Variants in SRL observed in about 807,000 individuals in gnomAD.
SRL encodes the protein sarcalumenin.
In SRL, 23 loss-of-function variants were observed where a neutral mutation model predicts 39.5. The observed-to-expected ratio is 0.58, with a 90% CI of 0.42 to 0.82. The LOEUF is 0.82. SRL is among the 40% of genes least tolerant of loss of function. SRL has a pLI of 0.00. For synonymous variants in SRL, 272 were observed against 237.4 expected (o/e 1.15, Z -1.34); for missense variants, 592 against 607.8 (o/e 0.97, Z 0.27).
At chr16:4,241,435 T>C (rs1402269532) in intron 1 of SRL, among the ~76,000 whole-genome samples, 1 of 152,182 alleles carries the variant, frequency 6.6e-6, no homozygotes, top group Non-Finnish European at 1.5e-5. Flanking sequence ...CCGTTCCTCT[T>C]CTGAATTGCA....
At chr16:4,240,297 T>C (rs530495654) in intron 1 of SRL, among the ~76,000 whole-genome samples, 2 of 152,188 alleles carry the variant, frequency 1.3e-5, no homozygotes, top group South Asian at 4.2e-4. Flanking sequence ...GGCACAATTC[T>C]GAAGGGGAAA....
chr16:4,227,293 G>C (rs1362701631), intron 1 of SRL, among the ~76,000 whole-genome samples: 3 of 151,116 alleles, frequency 2.0e-5, no homozygotes, highest in Admixed American at 1.3e-4. Flanking sequence ...CAGATAAATG[G>C]ATGGATGACG....
intron 1 of SRL, among the ~76,000 whole-genome samples, chr16:4,226,341 GACGA>G (rs1449814268): frequency 6.6e-6 from 1 of 151,984 alleles, no homozygotes; most frequent in Admixed American, 6.6e-5. Flanking sequence ...TGGATGAACA[GACGA>G]ATGGATGGAT....
chr16:4,200,837 G>A (rs1459567244), intron 3 of SRL, among the ~76,000 whole-genome samples: 6 of 152,150 alleles, frequency 3.9e-5, no homozygotes, highest in East Asian at 1.9e-4. Flanking sequence ...CTGTAGAGCA[G>A]GAAGAATACA....
intron 3 of SRL, among the ~76,000 whole-genome samples, chr16:4,198,868 G>A (rs1167033770): frequency 6.6e-6 from 1 of 152,224 alleles, no homozygotes; most frequent in Non-Finnish European, 1.5e-5. Context: ...CGAAGGCCAT[G>A]TTGGGGAGAT....
intron 1 of SRL, among the ~76,000 whole-genome samples, chr16:4,240,281 C>T (rs1376508929): frequency 2.0e-5 from 3 of 151,962 alleles, no homozygotes; most frequent in Admixed American, 6.5e-5. Context: ...TGGTATTTAC[C>T]GGGGTGGCAC....
At position 4,206,753 on chromosome 16, in the gene SRL, C is replaced by A. The variant is rs76859811; in HGVS notation, c.62-2119G>T. 0.01 allele frequency: 4,170 copies of A among 412,176 alleles called. 158 individuals are homozygous for A. In the African/African-American group the frequency reaches 0.12, roughly 12 times the overall value. 25.5% of individuals were successfully genotyped at this position (412,176 alleles called of 1,614,324 possible). A position where few individuals can be genotyped will look rare whatever the true frequency, so the allele number is the denominator to read the frequency against. ...CTGGGCAACAATGATGGGACTCTCC[C>A]TCCCCCTGATGTCCCTCCTCGGGCT... On this transcript the variant is annotated intron_variant, in intron 1 of 5. Coordinates refer to ENST00000399609, the MANE Select transcript of SRL (RefSeq NM_001098814.2).
intron 5 of SRL, 38 bp from the exon 6 acceptor site, chr16:4,193,002 C>T (rs1225093394): frequency 6.4e-7 from 1 of 1,565,480 alleles, no homozygotes; most frequent in South Asian, 1.2e-5. Flanking sequence ...ACTGAGTAGG[C>T]CTCCCTCAAA....
At chr16:4,211,622 G>A (rs58180242) in intron 1 of SRL, among the ~76,000 whole-genome samples, 4,260 of 48,012 alleles carry the variant, frequency 0.089, 369 homozygotes, top group African/African-American at 0.23. Flanking sequence ...GATGATGAGG[G>A]TCGTGATGAT....
intron 2 of SRL, among the ~76,000 whole-genome samples, chr16:4,203,864 C>T (rs1455485029): frequency 6.6e-6 from 1 of 152,236 alleles, no homozygotes; most frequent in Admixed American, 6.5e-5. Flanking sequence ...GCCCAGCACC[C>T]AGCAGGCGCG....
chr16:4,199,697 T>C (rs111258136), intron 3 of SRL, among the ~76,000 whole-genome samples: 1 of 130,038 alleles, frequency 7.7e-6, no homozygotes. Flanking sequence ...CTTTTCCTTT[T>C]TTTTTTTTTT....
rs532566252 is a variant in SRL, at chr16:4,199,652, T to A, written c.260-1737A>T. On this transcript the variant is annotated intron_variant, in intron 3 of 5. Transcript: ENST00000399609. ...TCCCAAAGTGCTTCTATTGCAGGCATGAGCCCGGCACCCAGCCCCTCCCCA... is the reference window on the plus strand; with the variant it reads ...TCCCAAAGTGCTTCTATTGCAGGCAAGAGCCCGGCACCCAGCCCCTCCCCA... Among the ~76,000 whole-genome samples the A allele has an allele frequency of 8.6e-5, 13 of 151,012 alleles. No individual in the cohort carries two copies. The East Asian group carries it at 2.5e-3, about 29-fold the overall frequency.
At chr16:4,241,571 C>G (rs1243137410) in intron 1 of SRL, among the ~76,000 whole-genome samples, 1 of 152,262 alleles carries the variant, frequency 6.6e-6, no homozygotes, top group Non-Finnish European at 1.5e-5. Flanking sequence ...TCTGTCCACG[C>G]AAACCCAGTT....
intron 1 of SRL, among the ~76,000 whole-genome samples, chr16:4,205,750 T>A (rs1022045562): frequency 8.6e-5 from 13 of 151,926 alleles, no homozygotes; most frequent in Non-Finnish European, 1.6e-4. Context: ...TTGGGTTTCA[T>A]CCCAAGAGCA....
At position 4,195,744 on chromosome 16, in the gene SRL, C is replaced by A. The variant is rs1469246273; in HGVS notation, c.419G>T (p.Gly140Val). Reference sequence around the variant, plus strand: ...GCCCTCGATGGTTTTCAGCTTAGGCCCATGCATGAGGACCGTGAACTCAGA... The same window carrying A: ...GCCCTCGATGGTTTTCAGCTTAGGCACATGCATGAGGACCGTGAACTCAGA... ...TTSEFTVLMH[G>V]PKLKTIEGIV... The change falls in exon 5 of 6, where the codon GGG becomes GTG. Residue 140 changes from glycine (G) to valine (V), a missense_variant. Coordinates refer to ENST00000399609, the MANE Select transcript of SRL (RefSeq NM_001098814.2). 6.2e-7 allele frequency: 1 copy of A among 1,613,990 alleles called. No individual in the cohort carries two copies. The highest frequency in any genetic ancestry group is 8.5e-7 in the Non-Finnish European group (1 of 1,180,012).
intron 2 of SRL, among the ~76,000 whole-genome samples, 193 bp downstream of exon 2, chr16:4,204,340 C>T (rs764693467): frequency 2.0e-5 from 2 of 101,102 alleles, no homozygotes; most frequent in African/African-American, 3.2e-5. Context: ...CTCACAGAGC[C>T]TCCTCCACGA....
At chr16:4,233,897 G>A (rs1329459434) in intron 1 of SRL, among the ~76,000 whole-genome samples, 1 of 151,964 alleles carries the variant, frequency 6.6e-6, no homozygotes, top group South Asian at 2.1e-4. Context: ...GCCTAAAGGG[G>A]GACTCCCTTT....
At chr16:4,206,337 G>A (rs1034208879) in intron 1 of SRL, among the ~76,000 whole-genome samples, 9 of 152,150 alleles carry the variant, frequency 5.9e-5, no homozygotes, top group Non-Finnish European at 1.3e-4. Flanking sequence ...CCCACTAAGG[G>A]AATCACCAGG....
chr16:4,235,127 G>A (rs2052701994), intron 1 of SRL, among the ~76,000 whole-genome samples: 1 of 152,206 alleles, frequency 6.6e-6, no homozygotes, highest in South Asian at 2.1e-4. Context: ...AAGAGGGAAT[G>A]AAGGAGCCAA....
Sources: gnomAD v4.1 joint callset for allele counts (sites outside exome capture counted in the v4.1 genomes callset) on GRCh38, gnomAD v4.1.1 for gene constraint, MANE v1.5 for transcripts, NCBI Gene and HGNC (gene_info 2026-07-23, HGNC 2026-07-21) for gene names.